DCDC1: variants seen among roughly 807,000 people sequenced by gnomAD.
DCDC1 encodes the protein doublecortin domain-containing protein 1.
DCDC1 carries 200 observed loss-of-function variants against 178.3 expected under a neutral mutation model. That is an observed-to-expected ratio of 1.12 (90% CI 1.00 to 1.26). DCDC1 has a LOEUF of 1.26. Ranked by LOEUF, DCDC1 falls within the 50% of genes most tolerant of loss-of-function variation. DCDC1 has a pLI of 0.00. For missense variants in DCDC1, 1,983 were observed against 1,749.2 expected, an observed-to-expected ratio of 1.13 and a Z score of -2.38; for synonymous variants, 690 against 604.8, an observed-to-expected ratio of 1.14 and a Z score of -2.07.
At chr11:31,178,632 G>GT (rs1362424801) in intron 9 of DCDC1, among the ~76,000 whole-genome samples, 1 of 152,092 alleles carries the variant, frequency 6.6e-6, no homozygotes, top group African/African-American at 2.4e-5. Flanking sequence ...CTGACAAGGG[G>GT]TTAATATCCA....
chr11:31,311,745 A>T (rs369770432), intron 3 of DCDC1, among the ~76,000 whole-genome samples: 25 of 152,290 alleles, frequency 1.6e-4, no homozygotes, highest in African/African-American at 5.8e-4. Context: ...CAGCATGATA[A>T]CCTGATCATC....
At chr11:30,870,181 G>A (rs1941404183) in intron 38 of DCDC1, among the ~76,000 whole-genome samples, 1 of 152,174 alleles carries the variant, frequency 6.6e-6, no homozygotes, top group African/African-American at 2.4e-5. Context: ...TCCTGAGTGA[G>A]GCAGAGTCCT....
chr11:31,158,454 G>A (rs1360236207), intron 9 of DCDC1, among the ~76,000 whole-genome samples: 1 of 152,022 alleles, frequency 6.6e-6, no homozygotes, highest in African/African-American at 2.4e-5. Context: ...TCACCATGTT[G>A]TACAATAGAT....
At chr11:31,274,467 G>C (rs890518663) in intron 7 of DCDC1, among the ~76,000 whole-genome samples, 1 of 152,026 alleles carries the variant, frequency 6.6e-6, no homozygotes, top group Non-Finnish European at 1.5e-5. Flanking sequence ...GAAGGCTTCT[G>C]AGAAGAGATA....
intron 6 of DCDC1, among the ~76,000 whole-genome samples, chr11:31,298,306 C>G (rs1027474436): frequency 6.6e-6 from 1 of 152,174 alleles, no homozygotes; most frequent in South Asian, 2.1e-4. Context: ...CTTATCCCCT[C>G]TAAATATGCT....
chr11:31,188,330 C>G (rs1041126583), intron 9 of DCDC1, among the ~76,000 whole-genome samples: 1 of 152,076 alleles, frequency 6.6e-6, no homozygotes, highest in African/African-American at 2.4e-5. Context: ...TCCATTGCAG[C>G]ATTAAGACTA....
At chr11:31,107,113 C>T (rs567156645) in intron 12 of DCDC1, among the ~76,000 whole-genome samples, 153 bp from the exon 13 acceptor site, 6 of 152,200 alleles carry the variant, frequency 3.9e-5, no homozygotes, top group South Asian at 2.1e-4. Flanking sequence ...TGTGAAATGA[C>T]GGCAATGTTT....
intron 9 of DCDC1, among the ~76,000 whole-genome samples, chr11:31,138,756 G>T (rs1435720282): frequency 6.6e-6 from 1 of 152,122 alleles, no homozygotes; most frequent in African/African-American, 2.4e-5. Context: ...AACCCTACCT[G>T]AAGACTTACT....
chr11:30,991,417 C>A (rs932654115), intron 20 of DCDC1, among the ~76,000 whole-genome samples: 6 of 152,156 alleles, frequency 3.9e-5, no homozygotes, highest in Non-Finnish European at 8.8e-5. Flanking sequence ...TGCCATGATT[C>A]TAATTGCCTA....
At chr11:31,121,520 GA>G (rs754198165) in intron 11 of DCDC1, among the ~76,000 whole-genome samples, 1 of 150,458 alleles carries the variant, frequency 6.6e-6, no homozygotes, top group Non-Finnish European at 1.5e-5. Flanking sequence ...GTCCTTTTAA[GA>G]GGTGATTTTC....
In DCDC1 at chr11:31,207,991, T is replaced by C. The variant is rs79392143; in HGVS notation, c.1221+33459A>G. ...GTTTTGTGTCTTAACAACCACCTATTCCTTCTCAGCTTCCTTAGTTGATCC... is the reference window on the plus strand; with the variant it reads ...GTTTTGTGTCTTAACAACCACCTATCCCTTCTCAGCTTCCTTAGTTGATCC... On this transcript the variant is annotated intron_variant, in intron 9 of 38. Coordinates refer to ENST00000684477, the MANE Select transcript of DCDC1 (RefSeq NM_001387274.1). Among the ~76,000 whole-genome samples the C allele has an allele frequency of 1.4e-3, 219 of 152,258 alleles. 6 individuals carry two copies. The East Asian group carries it at 0.014, about 10-fold the overall frequency.
At chr11:31,279,675 G>T (rs1294364049) in intron 7 of DCDC1, among the ~76,000 whole-genome samples, 1 of 152,116 alleles carries the variant, frequency 6.6e-6, no homozygotes, top group African/African-American at 2.4e-5. Flanking sequence ...TCATAGGTGA[G>T]AGCTGAACAA....
chr11:31,107,254 T>C (rs1958914388), intron 12 of DCDC1, among the ~76,000 whole-genome samples: 1 of 152,136 alleles, frequency 6.6e-6, no homozygotes, highest in Non-Finnish European at 1.5e-5. Flanking sequence ...AAAGAGCATT[T>C]AGCTTCTACA....
intron 20 of DCDC1, among the ~76,000 whole-genome samples, chr11:30,958,855 A>G (rs2134552522): frequency 6.6e-6 from 1 of 152,170 alleles, no homozygotes; most frequent in East Asian, 1.9e-4. Flanking sequence ...CTTGATTGCC[A>G]TGAGGACTGA....
At chr11:31,298,771 C>T (rs1362970136) in intron 6 of DCDC1, among the ~76,000 whole-genome samples, 1 of 152,162 alleles carries the variant, frequency 6.6e-6, no homozygotes, top group African/African-American at 2.4e-5. Flanking sequence ...AATCTGGATG[C>T]TCCTAACATT....
chr11:31,005,672 T>C (rs459581), intron 20 of DCDC1, among the ~76,000 whole-genome samples: 18,755 of 152,102 alleles, frequency 0.12, 1,272 homozygotes, highest in Admixed American at 0.19. Context: ...AGAGAACTGG[T>C]ATGGGATTCC....
chr11:31,289,646 T>C (rs1947080739), intron 7 of DCDC1, among the ~76,000 whole-genome samples: 2 of 152,198 alleles, frequency 1.3e-5, no homozygotes, highest in East Asian at 3.9e-4. Context: ...GAAAGAAAAC[T>C]AATTTCTGTT....
At chr11:30,932,528 T>C (rs921293159) in intron 21 of DCDC1, among the ~76,000 whole-genome samples, 2 of 152,220 alleles carry the variant, frequency 1.3e-5, no homozygotes, top group African/African-American at 4.8e-5. Context: ...ATGTTTACCA[T>C]ATATTCTAGG....
At chr11:31,139,404 C>T (rs1259363108) in intron 9 of DCDC1, among the ~76,000 whole-genome samples, 1 of 152,174 alleles carries the variant, frequency 6.6e-6, no homozygotes, top group African/African-American at 2.4e-5. Context: ...TCAACTTCCA[C>T]ACATGGAAGC....
Sources: allele counts gnomAD v4.1 joint callset (sites outside exome capture counted in the v4.1 genomes callset), GRCh38; gene constraint gnomAD v4.1.1; transcripts MANE v1.5; gene names NCBI Gene and HGNC (gene_info 2026-07-23, HGNC 2026-07-21).